LPP: variants seen among roughly 807,000 people sequenced by gnomAD.
The protein encoded by LPP is lipoma-preferred partner.
A neutral mutation model predicts 60.4 loss-of-function variants in LPP; 38 were observed. The observed-to-expected ratio is 0.63, with a 90% confidence interval of 0.49 to 0.83. The LOEUF is 0.83. LPP is among the 40% of genes least tolerant of loss of function. The pLI is 0.00. For missense variants in LPP, 902 were observed against 783.6 expected (o/e 1.15, Z -1.80); for synonymous variants, 328 against 290.8 (o/e 1.13, Z -1.30).
At chr3:188,453,696 A>G (rs914447557) in intron 4 of LPP, among the ~76,000 whole-genome samples, 7 of 152,056 alleles carry the variant, frequency 4.6e-5, no homozygotes, top group African/African-American at 1.4e-4. Context: ...AATCTATTCT[A>G]TAGTATTTAT....
chr3:188,312,014 A>G (rs1753622108), intron 2 of LPP, among the ~76,000 whole-genome samples: 1 of 152,234 alleles, frequency 6.6e-6, no homozygotes, highest in Non-Finnish European at 1.5e-5. Flanking sequence ...ACTATAGTAT[A>G]AAATTCAAAA....
At chr3:188,166,630 A>G (rs962092539) in intron 1 of LPP, among the ~76,000 whole-genome samples, 1 of 152,194 alleles carries the variant, frequency 6.6e-6, no homozygotes, top group Non-Finnish European at 1.5e-5. Context: ...TTTGCCCAGA[A>G]CCCAAGCAAG....
intron 4 of LPP, among the ~76,000 whole-genome samples, chr3:188,424,905 C>T (rs1788867338): frequency 1.3e-5 from 2 of 152,212 alleles, no homozygotes; most frequent in African/African-American, 4.8e-5. Context: ...GACAATTTGA[C>T]TTCCCCTCTT....
At chr3:188,517,765 GAAACTGCCCCCAAGATTC>G (rs1817781756) in intron 5 of LPP, among the ~76,000 whole-genome samples, 1 of 152,104 alleles carries the variant, frequency 6.6e-6, no homozygotes, top group Non-Finnish European at 1.5e-5. Flanking sequence ...CAGTATGGAG[GAAACTGCCCCCAAGATTC>G]AAATTATCTC....
At chr3:188,373,389 GATCACC>G (rs1050434548) in intron 3 of LPP, among the ~76,000 whole-genome samples, 73 of 152,138 alleles carry the variant, frequency 4.8e-4, no homozygotes, top group Admixed American at 1.2e-3. Flanking sequence ...ACTTTTTAAT[GATCACC>G]ATTCTAACTG....
chr3:188,664,872 G>A (rs1855430099), intron 7 of LPP, among the ~76,000 whole-genome samples: 4 of 152,076 alleles, frequency 2.6e-5, no homozygotes, highest in Admixed American at 2.6e-4. Flanking sequence ...TTCTACTGGT[G>A]CTACCGGCAT....
chr3:188,197,376 A>G (rs369616127), intron 1 of LPP, among the ~76,000 whole-genome samples: 1 of 152,154 alleles, frequency 6.6e-6, no homozygotes, highest in African/African-American at 2.4e-5. Context: ...GCTAGTGTCT[A>G]TCATTTTCTC....
intron 9 of LPP, among the ~76,000 whole-genome samples, 157 bp downstream of exon 9, chr3:188,760,439 T>TGTGTGTGTGC (rs55988915): frequency 3.2e-4 from 48 of 150,038 alleles, no homozygotes; most frequent in African/African-American, 4.7e-4. Flanking sequence ...TGTGTGTGCG[T>TGTGTGTGTGC]GCGCGCATGT....
chr3:188,383,046 G>A (rs1309710107), intron 3 of LPP, among the ~76,000 whole-genome samples: 1 of 152,164 alleles, frequency 6.6e-6, no homozygotes, highest in Non-Finnish European at 1.5e-5. Context: ...AGTCAATCTG[G>A]GTGCTGGTTT....
At chr3:188,471,930 A>G (rs1801950297) in intron 4 of LPP, among the ~76,000 whole-genome samples, 1 of 152,142 alleles carries the variant, frequency 6.6e-6, no homozygotes. Flanking sequence ...ATGGCTGTTG[A>G]CATGTGTTTT....
At chr3:188,348,886 C>T (rs1441958431) in intron 3 of LPP, among the ~76,000 whole-genome samples, 3 of 142,926 alleles carry the variant, frequency 2.1e-5, no homozygotes, top group Non-Finnish European at 3.1e-5. Context: ...TAGCGGGGTC[C>T]GGGGGGCGGG....
intron 7 of LPP, among the ~76,000 whole-genome samples, chr3:188,691,797 A>G (rs576220548): frequency 6.6e-6 from 1 of 152,180 alleles, no homozygotes; most frequent in Non-Finnish European, 1.5e-5. Context: ...CCTAGTTACC[A>G]TCTAACATTG....
intron 7 of LPP, among the ~76,000 whole-genome samples, chr3:188,613,515 T>C (rs1844267597): frequency 6.6e-6 from 1 of 152,068 alleles, no homozygotes; most frequent in Non-Finnish European, 1.5e-5. Flanking sequence ...CTACATAATG[T>C]GTAGAAGTGC....
At chr3:188,466,936 T>C (rs953528381) in intron 4 of LPP, among the ~76,000 whole-genome samples, 9 of 140,580 alleles carry the variant, frequency 6.4e-5, no homozygotes, top group Non-Finnish European at 1.2e-4. Flanking sequence ...CCCGCCTTTA[T>C]GGCATTGCTA....
At chr3:188,467,929 T>A (rs1473464509) in intron 4 of LPP, among the ~76,000 whole-genome samples, 3 of 152,180 alleles carry the variant, frequency 2.0e-5, no homozygotes, top group Admixed American at 6.6e-5. Context: ...TCTGTTCTTC[T>A]AAACAACCAA....
chr3:188,333,897 TC>T (rs2150547485), intron 2 of LPP, among the ~76,000 whole-genome samples: 1 of 152,322 alleles, frequency 6.6e-6, no homozygotes, highest in Non-Finnish European at 1.5e-5. Flanking sequence ...AAGCCACTCT[TC>T]TAGCTACTTG....
At chr3:188,757,477 G>A (rs1311368500) in intron 8 of LPP, among the ~76,000 whole-genome samples, 5 of 152,074 alleles carry the variant, frequency 3.3e-5, no homozygotes, top group Admixed American at 1.3e-4. Context: ...ATTACACTTC[G>A]GGCATCATAG....
chr3:188,794,923 G>A (rs1744886232), intron 9 of LPP, among the ~76,000 whole-genome samples: 1 of 152,144 alleles, frequency 6.6e-6, no homozygotes. Flanking sequence ...GGATCACGAG[G>A]TCAGGAGATC....
chr3:188,193,788 G>T (rs1728810944), intron 1 of LPP, among the ~76,000 whole-genome samples: 2 of 152,092 alleles, frequency 1.3e-5, no homozygotes, highest in South Asian at 2.1e-4. Flanking sequence ...GGGTTAAATG[G>T]CATTTGCAGC....
Sources: gnomAD v4.1 joint callset for allele counts (sites outside exome capture counted in the v4.1 genomes callset) on GRCh38, gnomAD v4.1.1 for gene constraint, MANE v1.5 for transcripts, NCBI Gene and HGNC (gene_info 2026-07-23, HGNC 2026-07-21) for gene names.